FBXO40: variants seen among roughly 807,000 people sequenced by gnomAD.
The protein encoded by FBXO40 is F-box protein 40.
FBXO40 carries 50 observed loss-of-function variants against 49.9 expected under a neutral mutation model. That is an observed-to-expected ratio of 1.00 (90% CI 0.80 to 1.27). The LOEUF (loss-of-function observed/expected upper bound fraction) is 1.27. Ranked by LOEUF, FBXO40 falls within the 50% of genes most tolerant of loss-of-function variation. The pLI is 0.00. For missense variants in FBXO40, 895 were observed against 870.1 expected, an observed-to-expected ratio of 1.03 and a Z score of -0.36; for synonymous variants, 340 against 320.2, an observed-to-expected ratio of 1.06 and a Z score of -0.66.
chr3:121,617,991 T>G (rs1255214449), intron 1 of FBXO40, among the ~76,000 whole-genome samples: 1 of 151,996 alleles, frequency 6.6e-6, no homozygotes, highest in Non-Finnish European at 1.5e-5. Context: ...AGAGCAAGGC[T>G]CTGTCAAAAA....
Position 121,619,717 on chromosome 3 carries a change from T to G in FBXO40, c.-30-829T>G, listed in dbSNP as rs9849998. Among the ~76,000 whole-genome samples, 8 of 152,050 alleles carry G rather than the reference T, an allele frequency of 5.3e-5. No individual in the cohort carries two copies. In the South Asian group the frequency reaches 1.7e-3, roughly 32 times the overall value. ...GGTACTATTATTATCCTCTCTCTAC[T>G]GATGGGGAAACTGATGAGCGAAGAA... On this transcript the variant is annotated intron_variant, in intron 1 of 3. Coordinates refer to ENST00000338040, the MANE Select transcript of FBXO40 (RefSeq NM_016298.4).
chr3:121,596,478 A>G (rs547604777), intron 1 of FBXO40, among the ~76,000 whole-genome samples: 1 of 152,334 alleles, frequency 6.6e-6, no homozygotes, highest in East Asian at 1.9e-4. Context: ...GTTACAAGGA[A>G]AGAGTCTCAG....
At chr3:121,607,351 C>T (rs527312677) in intron 1 of FBXO40, among the ~76,000 whole-genome samples, 2 of 112,520 alleles carry the variant, frequency 1.8e-5, no homozygotes, top group South Asian at 6.6e-4. Flanking sequence ...ACTCTGTTGT[C>T]CAGACTGGAG....
chr3:121,604,887 A>C (rs2048922898), intron 1 of FBXO40, among the ~76,000 whole-genome samples: 1 of 152,178 alleles, frequency 6.6e-6, no homozygotes, highest in Non-Finnish European at 1.5e-5. Flanking sequence ...ATACCCATGA[A>C]AAATGGATCT....
chr3:121,608,120 G>A (rs1239755045), intron 1 of FBXO40, among the ~76,000 whole-genome samples: 1 of 152,184 alleles, frequency 6.6e-6, no homozygotes, highest in Non-Finnish European at 1.5e-5. Flanking sequence ...CTCTTTTAGT[G>A]CAGTGGCCTT....
chr3:121,621,443 GCAGATCCCC>G lies in FBXO40; in HGVS notation c.15_23del (p.Arg6_Pro8del). On this transcript the variant is annotated inframe_deletion, in exon 3 of 4. Transcript: ENST00000338040. ...CCTTGGTGTGTCCAGGGGAAAGCCC[GCAGATCCCC>G]GCCAGGGCACCACAGGCATTGTGAG... 6.2e-7 allele frequency: 1 copy of G among 1,612,528 alleles called. No homozygotes were observed. The highest frequency in any genetic ancestry group is 1.1e-5 in the South Asian group (1 of 90,812).
chr3:121,613,157 C>T (rs1353853967), intron 1 of FBXO40, among the ~76,000 whole-genome samples: 1 of 152,036 alleles, frequency 6.6e-6, no homozygotes, highest in African/African-American at 2.4e-5. Flanking sequence ...TAACAGTGAG[C>T]TCTTCAGGAT....
At chr3:121,614,052 A>T (rs140671329) in intron 1 of FBXO40, among the ~76,000 whole-genome samples, 1,805 of 152,224 alleles carry the variant, frequency 0.012, 34 homozygotes, top group African/African-American at 0.033. Flanking sequence ...GCAGATCACA[A>T]GGTCAAGAGA....
intron 1 of FBXO40, among the ~76,000 whole-genome samples, chr3:121,599,719 TA>T (rs2048891907): frequency 1.2e-5 from 1 of 82,546 alleles, no homozygotes; most frequent in African/African-American, 3.8e-5. Context: ...TATATATATA[TA>T]TATATTTTTT....
chr3:121,598,930 C>G lies in FBXO40; in HGVS notation c.-31+5428C>G, dbSNP rs151011341. Among the ~76,000 whole-genome samples the G allele has an allele frequency of 5.2e-3, 794 of 152,306 alleles. 2 individuals are homozygous for G. The highest frequency in any genetic ancestry group is 0.01 in the Middle Eastern group (3 of 294). The stretch of plus-strand genomic sequence containing the variant: ...TATTTCTTTGAAAAACAAGCTATGC[C>G]TCAGGCTCACACACCTGGTCCTTCC... On this transcript the variant is annotated intron_variant, in intron 1 of 3. Coordinates refer to ENST00000338040, the MANE Select transcript of FBXO40 (RefSeq NM_016298.4).
chr3:121,622,828 A>C lies in FBXO40; in HGVS notation c.1399A>C (p.Arg467=). Residue 467 remains arginine (R), a synonymous_variant, in exon 3 of 4, where the codon AGA becomes CGA. Coordinates refer to ENST00000338040, the MANE Select transcript of FBXO40 (RefSeq NM_016298.4). ...VELHSECVTR[R]HNKSSSAFTF... is the part of the protein sequence containing the mutation. ...GCTCCACAGCGAGTGTGTGACCAGG[A>C]GACACAACAAAAGCAGCTCTGCCTT... The C allele has an allele frequency of 6.2e-7, 1 of 1,614,188 alleles. No individual in the cohort carries two copies. Among genetic ancestry groups the C allele is most frequent in the Non-Finnish European group, 8.5e-7 (1 of 1,180,032 alleles).
Position 121,622,009 on chromosome 3 carries a change from G to A in FBXO40, c.580G>A (p.Glu194Lys). 1 of 1,614,250 alleles carries A rather than the reference G, an allele frequency of 6.2e-7. No homozygotes were observed. Among genetic ancestry groups the A allele is most frequent in the South Asian group, 1.1e-5 (1 of 91,086 alleles). Residue 194 changes from glutamate (E) to lysine (K), a missense_variant, in exon 3 of 4, where the codon GAG becomes AAG. Physicochemically the swap from Glu to Lys is moderately conservative, Grantham distance 56. Coordinates refer to ENST00000338040, the MANE Select transcript of FBXO40 (RefSeq NM_016298.4). ...GLSATNGEMA[E>K]LSQEEREVLA... ...GTCAGCAACTAATGGGGAGATGGCA[G>A]AGCTAAGTCAAGAAGAACGGGAGGT...
intron 1 of FBXO40, among the ~76,000 whole-genome samples, chr3:121,617,058 A>T (rs2049001134): frequency 6.6e-6 from 1 of 152,220 alleles, no homozygotes; most frequent in South Asian, 2.1e-4. Flanking sequence ...GTGAATGGAT[A>T]TGAACAGACA....
At chr3:121,619,816 C>CT (rs1255193140) in intron 1 of FBXO40, among the ~76,000 whole-genome samples, 1 of 152,204 alleles carries the variant, frequency 6.6e-6, no homozygotes, top group African/African-American at 2.4e-5. Flanking sequence ...AGTCTGCCTT[C>CT]TAACCACTAA....
Position 121,622,215 on chromosome 3 carries a change from C to T in FBXO40, c.786C>T (p.Gly262=), listed in dbSNP as rs773539981. The part of the protein sequence containing the change: ...SSGHNMVEGE[G]APKKKEPQEN... The stretch of plus-strand genomic sequence containing the variant: ...GCCATAACATGGTAGAAGGAGAGGG[C>T]GCTCCCAAAAAGAAAGAACCACAGG... The change falls in exon 3 of 4, where the codon GGC becomes GGT. Residue 262 remains glycine (G), a synonymous_variant. Coordinates refer to ENST00000338040, the MANE Select transcript of FBXO40 (RefSeq NM_016298.4). The T allele has an allele frequency of 1.5e-5, 24 of 1,613,690 alleles. No individual in the cohort carries two copies. The highest frequency in any genetic ancestry group is 1.1e-4 in the South Asian group (10 of 90,956).
Position 121,622,773 on chromosome 3 carries a change from C to G in FBXO40, c.1344C>G (p.Thr448=). 1 of 1,614,180 alleles carries G rather than the reference C, an allele frequency of 6.2e-7. No homozygotes were observed. Among genetic ancestry groups the G allele is most frequent in the Non-Finnish European group, 8.5e-7 (1 of 1,180,034 alleles). Residue 448 remains threonine (T), a synonymous_variant, in exon 3 of 4, where the codon ACC becomes ACG. Transcript: ENST00000338040. ...FSSGTVLADL[T]AATPGGLHVE... ...CTGGGACAGTGCTGGCTGACCTAAC[C>G]GCTGCCACCCCAGGGGGACTCCACG...
chr3:121,600,015 GC>G (rs1197046270), intron 1 of FBXO40, among the ~76,000 whole-genome samples: 1 of 150,136 alleles, frequency 6.7e-6, no homozygotes, highest in Non-Finnish European at 1.5e-5. Context: ...AAGCCACCAT[GC>G]CCTGTCTAAA....
intron 1 of FBXO40, among the ~76,000 whole-genome samples, chr3:121,607,098 C>T (rs891785468): frequency 6.6e-6 from 1 of 151,910 alleles, no homozygotes; most frequent in Admixed American, 6.6e-5. Flanking sequence ...AACCTTGTCT[C>T]TACTAAAAAT....
In FBXO40 at chr3:121,623,263, CAA is replaced by C. The variant is rs748947214; in HGVS notation, c.1835_1836del (p.Gln612ArgfsTer43). 8.7e-6 allele frequency: 14 copies of C among 1,614,044 alleles called. No individual in the cohort carries two copies. The highest frequency in any genetic ancestry group is 6.7e-5 in the African/African-American group (5 of 74,912). ...LMRNICATLL[Q>X]ERGMVLLQWK... is the part of the protein sequence containing the mutation. ...GAGGAATATCTGTGCCACTTTGTTA[CAA>C]GAGAGAGGAATGGTCCTTTTGCAAT... On this transcript the variant is annotated frameshift_variant, in exon 3 of 4. Coordinates refer to ENST00000338040, the MANE Select transcript of FBXO40 (RefSeq NM_016298.4). LOFTEE classifies it high-confidence loss of function.
Sources: allele counts gnomAD v4.1 joint callset (sites outside exome capture counted in the v4.1 genomes callset), GRCh38; gene constraint gnomAD v4.1.1; transcripts MANE v1.5; gene names NCBI Gene and HGNC (gene_info 2026-07-23, HGNC 2026-07-21).